The following CNKSR2 variants were observed in gnomAD, a reference collection of about 807,000 sequenced individuals.
CNKSR2 encodes CNK homolog protein 2.
CNKSR2 carries 14 observed loss-of-function variants against 84.4 expected under a neutral mutation model. That is an observed-to-expected ratio of 0.17 (90% CI 0.11 to 0.26). The LOEUF (loss-of-function observed/expected upper bound fraction) is 0.26. Among genes scored for constraint, CNKSR2 ranks in the 10% least tolerant of loss-of-function variants. The pLI is 1.00. For synonymous variants in CNKSR2, 275 were observed against 277.9 expected (o/e 0.99, Z 0.10); for missense variants, 485 against 771.2 (o/e 0.63, Z 4.40).
chrX:21,477,539 A>G (rs756999831), intron 5 of CNKSR2, among the ~76,000 whole-genome samples: 80 of 110,565 alleles, frequency 7.2e-4, no homozygotes, highest in Non-Finnish European at 1.4e-3. Flanking sequence ...CTTTAAATTT[A>G]TGAATTCCTT....
At chrX:21,514,672 A>C (rs1317223165) in intron 8 of CNKSR2, among the ~76,000 whole-genome samples, 5 of 111,755 alleles carry the variant, frequency 4.5e-5, no homozygotes, top group Non-Finnish European at 1.9e-5. Flanking sequence ...CATTGAGAAT[A>C]GTTATGCTGG....
At position 21,374,508 on chromosome X, in the gene CNKSR2, C is replaced by T; in HGVS notation, c.-390C>T. The T allele has an allele frequency of 2.5e-6, 1 of 402,462 alleles. No homozygotes were observed. The highest frequency in any genetic ancestry group is 4.4e-6 in the Non-Finnish European group (1 of 226,984). 33.2% of individuals were successfully genotyped at this position (402,462 alleles called of 1,213,427 possible). ...GTTGGCTGAGGGCGTGCGGCAGAGG[C>T]TGCTTCCCTCGGCGACGCGACCCCT... On this transcript the variant is annotated 5_prime_UTR_variant, in exon 1 of 22. Transcript: ENST00000379510.
At chrX:21,412,091 T>G (rs2090352894) in intron 1 of CNKSR2, among the ~76,000 whole-genome samples, 1 of 112,003 alleles carries the variant, frequency 8.9e-6, no homozygotes, top group Non-Finnish European at 1.9e-5. Flanking sequence ...AGGCAGTTAT[T>G]GACTTTGGAA....
chrX:21,642,255 T>C (rs904760803), intron 20 of CNKSR2: 69 of 751,261 alleles, frequency 9.2e-5, no homozygotes, highest in Non-Finnish European at 1.1e-4. Context: ...ATGAAGAAAA[T>C]TTCTCATGCC....
At chrX:21,635,941 T>G (rs1002603182) in intron 20 of CNKSR2, among the ~76,000 whole-genome samples, 1 of 111,372 alleles carries the variant, frequency 9.0e-6, no homozygotes, top group Non-Finnish European at 1.9e-5. Flanking sequence ...TGAAGACATT[T>G]TTACCACCCA....
At chrX:21,614,500 G>T (rs1602034460) in intron 20 of CNKSR2, among the ~76,000 whole-genome samples, 1 of 111,281 alleles carries the variant, frequency 9.0e-6, no homozygotes, top group East Asian at 2.8e-4. Flanking sequence ...TAAAGTCAAA[G>T]AAAAAATGGC....
chrX:21,410,523 A>G (rs2090329335), intron 1 of CNKSR2, among the ~76,000 whole-genome samples: 1 of 111,407 alleles, frequency 9.0e-6, no homozygotes, highest in African/African-American at 3.3e-5. Flanking sequence ...AAGCAAAACA[A>G]AAAATTGAGT....
At chrX:21,588,412 A>G (rs1344951577) in intron 13 of CNKSR2, among the ~76,000 whole-genome samples, 1 of 112,538 alleles carries the variant, frequency 8.9e-6, no homozygotes, top group Admixed American at 9.4e-5. Context: ...CCAAAAGCAT[A>G]TAATACAATT....
chrX:21,416,873 G>A (rs759193318), intron 1 of CNKSR2, among the ~76,000 whole-genome samples: 14 of 111,078 alleles, frequency 1.3e-4, no homozygotes, highest in Non-Finnish European at 1.9e-4. Context: ...TTCAAAATGC[G>A]AATTTTTTGT....
At chrX:21,492,053 C>A (rs888906116) in intron 6 of CNKSR2, 4 of 110,960 alleles carry the variant, frequency 3.6e-5, no homozygotes, top group Non-Finnish European at 7.6e-5. Flanking sequence ...TTGATCTAGT[C>A]ATGTAGGTGA....
At chrX:21,620,590 C>G (rs1406615973) in intron 20 of CNKSR2, among the ~76,000 whole-genome samples, 1 of 111,228 alleles carries the variant, frequency 9.0e-6, no homozygotes, top group Admixed American at 9.6e-5. Context: ...CCTCCAAAAG[C>G]AGGCATTTCA....
At chrX:21,613,756 A>G (rs1369919829) in intron 20 of CNKSR2, among the ~76,000 whole-genome samples, 1 of 111,915 alleles carries the variant, frequency 8.9e-6, no homozygotes, top group Non-Finnish European at 1.9e-5. Flanking sequence ...CCTGGCCAAC[A>G]TGGCAAAACC....
chrX:21,405,402 G>T, intron 1 of CNKSR2, among the ~76,000 whole-genome samples: 1 of 111,032 alleles, frequency 9.0e-6, no homozygotes. Context: ...CTAGTTTATT[G>T]GTTTTTTACC....
intron 4 of CNKSR2, among the ~76,000 whole-genome samples, chrX:21,466,482 A>G (rs1008569109): frequency 8.9e-6 from 1 of 112,144 alleles, no homozygotes; most frequent in Non-Finnish European, 1.9e-5. Flanking sequence ...AATGAATGCC[A>G]TAAAATTACA....
chrX:21,439,999 C>T (rs1376644645), intron 3 of CNKSR2, among the ~76,000 whole-genome samples: 2 of 109,500 alleles, frequency 1.8e-5, no homozygotes. Context: ...GATGTTAAAA[C>T]CTTCAACAAA....
chrX:21,513,018 A>T (rs2091690718), intron 8 of CNKSR2, among the ~76,000 whole-genome samples: 1 of 112,263 alleles, frequency 8.9e-6, no homozygotes, highest in Non-Finnish European at 1.9e-5. Flanking sequence ...TTTTGTAAGA[A>T]TGAAAATATA....
chrX:21,523,604 C>G (rs560668241), intron 9 of CNKSR2, among the ~76,000 whole-genome samples: 4 of 110,266 alleles, frequency 3.6e-5, no homozygotes, highest in Non-Finnish European at 3.8e-5. Context: ...ATATCCTCCT[C>G]ATTCGATTTT....
intron 4 of CNKSR2, among the ~76,000 whole-genome samples, chrX:21,456,674 A>G (rs967657008): frequency 8.0e-5 from 9 of 111,826 alleles, no homozygotes; most frequent in Non-Finnish European, 1.5e-4. Context: ...TAATGCTGCA[A>G]TGGGAAACCA....
intron 11 of CNKSR2, among the ~76,000 whole-genome samples, chrX:21,555,293 T>C (rs1429082409): frequency 2.7e-5 from 3 of 111,860 alleles, no homozygotes; most frequent in Non-Finnish European, 5.7e-5. Flanking sequence ...TTGATTTGTA[T>C]TATTTATAAG....
Sources: allele counts gnomAD v4.1 joint callset (sites outside exome capture counted in the v4.1 genomes callset), GRCh38; gene constraint gnomAD v4.1.1; transcripts MANE v1.5; gene names NCBI Gene and HGNC (gene_info 2026-07-23, HGNC 2026-07-21).